Variants in CNTNAP2 observed in about 807,000 individuals in gnomAD.
CNTNAP2 encodes contactin associated protein 2, also known as contactin-associated protein-like 2.
CNTNAP2 carries 98 observed loss-of-function variants against 155.2 expected under a neutral mutation model. The ratio of observed to expected loss-of-function variants is 0.63; its 90% CI spans 0.54 to 0.75. CNTNAP2 has a LOEUF of 0.75. Among genes scored for constraint, CNTNAP2 ranks in the 30% least tolerant of loss-of-function variants. The pLI is 0.00. For synonymous variants in CNTNAP2, 651 were observed against 631.2 expected, an observed-to-expected ratio of 1.03 and a Z score of -0.47; for missense variants, 1,727 against 1,688.1, an observed-to-expected ratio of 1.02 and a Z score of -0.40.
intron 3 of CNTNAP2, among the ~76,000 whole-genome samples, chr7:146,978,287 A>G (rs1797951540): frequency 6.6e-6 from 1 of 152,182 alleles, no homozygotes; most frequent in South Asian, 2.1e-4. Context: ...AAGGTGGTTC[A>G]GTGTTTAACC....
intron 1 of CNTNAP2, among the ~76,000 whole-genome samples, chr7:146,589,690 A>G (rs528251637): frequency 6.6e-6 from 1 of 152,132 alleles, no homozygotes; most frequent in Non-Finnish European, 1.5e-5. Flanking sequence ...TGGCACGTGT[A>G]TACTTATGTA....
intron 12 of CNTNAP2, among the ~76,000 whole-genome samples, chr7:147,633,326 C>T (rs1436888360): frequency 6.6e-6 from 1 of 152,160 alleles, no homozygotes; most frequent in Non-Finnish European, 1.5e-5. Flanking sequence ...ATGGAAATGC[C>T]TGGATGTCTA....
intron 3 of CNTNAP2, among the ~76,000 whole-genome samples, chr7:146,968,935 C>T (rs1274845959): frequency 3.4e-5 from 5 of 147,136 alleles, no homozygotes; most frequent in African/African-American, 5.2e-5. Flanking sequence ...CCTGCTTTCT[C>T]TTGTGGGCAT....
intron 10 of CNTNAP2, among the ~76,000 whole-genome samples, chr7:147,483,725 T>C (rs1217873377): frequency 6.6e-6 from 1 of 152,250 alleles, no homozygotes; most frequent in African/African-American, 2.4e-5. Context: ...AAGGATGTTT[T>C]AGTTTCATGT....
At chr7:146,628,124 T>A (rs1215560963) in intron 1 of CNTNAP2, among the ~76,000 whole-genome samples, 1 of 152,178 alleles carries the variant, frequency 6.6e-6, no homozygotes, top group Non-Finnish European at 1.5e-5. Flanking sequence ...CCACTTCCTT[T>A]AAGCAGGAAG....
At chr7:147,565,028 A>G (rs1800142217) in intron 12 of CNTNAP2, among the ~76,000 whole-genome samples, 1 of 152,202 alleles carries the variant, frequency 6.6e-6, no homozygotes, top group South Asian at 2.1e-4. Context: ...GGCTTGGGCT[A>G]TTCCATTTTC....
At chr7:148,063,210 C>A (rs941436952) in intron 15 of CNTNAP2, among the ~76,000 whole-genome samples, 1 of 152,036 alleles carries the variant, frequency 6.6e-6, no homozygotes, top group African/African-American at 2.4e-5. Context: ...TGTGAGAAAT[C>A]TGTCATTGAT....
At chr7:148,049,931 G>A (rs1373585706) in intron 15 of CNTNAP2, among the ~76,000 whole-genome samples, 2 of 152,196 alleles carry the variant, frequency 1.3e-5, no homozygotes, top group East Asian at 1.9e-4. Context: ...GGGAGGCCGA[G>A]GCAGGTGGAT....
intron 21 of CNTNAP2, among the ~76,000 whole-genome samples, chr7:148,291,808 T>C (rs1797195832): frequency 6.6e-6 from 1 of 152,156 alleles, no homozygotes; most frequent in South Asian, 2.1e-4. Flanking sequence ...TATATGAAAT[T>C]TCTACTTGTC....
intron 13 of CNTNAP2, among the ~76,000 whole-genome samples, chr7:147,702,450 A>C (rs951033037): frequency 2.6e-5 from 4 of 152,096 alleles, no homozygotes; most frequent in Non-Finnish European, 2.9e-5. Context: ...TGTGTAATGT[A>C]ATGTAAGATA....
At chr7:147,414,021 T>C (rs1191066491) in intron 10 of CNTNAP2, among the ~76,000 whole-genome samples, 2 of 152,218 alleles carry the variant, frequency 1.3e-5, no homozygotes, top group Non-Finnish European at 2.9e-5. Flanking sequence ...CTCAAAGCTT[T>C]ATGTACTTCT....
At chr7:147,291,272 T>G (rs1805303516) in intron 8 of CNTNAP2, among the ~76,000 whole-genome samples, 1 of 152,072 alleles carries the variant, frequency 6.6e-6, no homozygotes, top group Non-Finnish European at 1.5e-5. Flanking sequence ...CATCTAGGTT[T>G]TAAGCCCCAC....
chr7:148,137,858 A>C (rs1046550453), intron 16 of CNTNAP2, among the ~76,000 whole-genome samples: 4 of 152,240 alleles, frequency 2.6e-5, no homozygotes, highest in Non-Finnish European at 5.9e-5. Flanking sequence ...GTTGAAGAGA[A>C]TCTGTTGTTG....
At position 147,639,255 on chromosome 7, in the gene CNTNAP2, G is replaced by C. The variant is rs372580822; in HGVS notation, c.2047G>C (p.Glu683Gln). The change falls in exon 13 of 24, where the codon GAG (glutamate) becomes CAG (glutamine). Residue 683 changes from glutamate (E) to glutamine (Q), a missense_variant. Transcript: ENST00000361727. ...CATCACTGACAGTGCCGAGTACTGC[G>C]AGCAGTATGTCTCCTATTTCTGCAA... Reference protein sequence around the residue: ...SAITDSAEYCEQYVSYFCKMS... With the variant: ...SAITDSAEYCQQYVSYFCKMS... 8.7e-6 allele frequency: 14 copies of C among 1,613,950 alleles called. No homozygotes were observed. Among genetic ancestry groups the C allele is most frequent in the Admixed American group, 1.7e-5 (1 of 59,990 alleles).
intron 14 of CNTNAP2, among the ~76,000 whole-genome samples, chr7:147,969,777 T>C (rs907358019): frequency 3.3e-5 from 5 of 152,204 alleles, no homozygotes; most frequent in Non-Finnish European, 7.3e-5. Context: ...TCCTGTTTTA[T>C]GTGCATTAGA....
At chr7:146,865,803 A>C (rs1795193944) in intron 3 of CNTNAP2, among the ~76,000 whole-genome samples, 1 of 152,178 alleles carries the variant, frequency 6.6e-6, no homozygotes, top group African/African-American at 2.4e-5. Context: ...CTATTCTTCA[A>C]ATGACACACT....
chr7:148,260,279 C>T (rs1399916648), intron 20 of CNTNAP2, among the ~76,000 whole-genome samples: 1 of 152,174 alleles, frequency 6.6e-6, no homozygotes, highest in African/African-American at 2.4e-5. Context: ...AGACTGTGGC[C>T]TGCAGCTCAC....
intron 1 of CNTNAP2, among the ~76,000 whole-genome samples, chr7:146,646,662 T>G (rs990448546): frequency 6.6e-6 from 1 of 152,196 alleles, no homozygotes; most frequent in South Asian, 2.1e-4. Flanking sequence ...TTTCAGTTTC[T>G]GATTAAAACC....
At chr7:146,401,682 T>C (rs1485130021) in intron 1 of CNTNAP2, among the ~76,000 whole-genome samples, 1 of 152,220 alleles carries the variant, frequency 6.6e-6, no homozygotes, top group Non-Finnish European at 1.5e-5. Flanking sequence ...ATCTGCCTCG[T>C]GTGTTTTGCA....
Sources: gnomAD v4.1 joint callset for allele counts (sites outside exome capture counted in the v4.1 genomes callset) on GRCh38, gnomAD v4.1.1 for gene constraint, MANE v1.5 for transcripts, NCBI Gene and HGNC (gene_info 2026-07-23, HGNC 2026-07-21) for gene names.